The following NTNG1 variants were observed in gnomAD, a reference collection of about 807,000 sequenced individuals.
The protein encoded by NTNG1 is netrin G1.
A neutral mutation model predicts 54.0 loss-of-function variants in NTNG1; 16 were observed. The ratio of observed to expected loss-of-function variants is 0.30; its 90% CI spans 0.20 to 0.45. The LOEUF (loss-of-function observed/expected upper bound fraction) is 0.45. Among genes scored for constraint, NTNG1 ranks in the 20% least tolerant of loss-of-function variants. NTNG1 has a pLI of 1.00. For synonymous variants in NTNG1, 255 were observed against 263.1 expected, an observed-to-expected ratio of 0.97 and a Z score of 0.30; for missense variants, 530 against 678.7, an observed-to-expected ratio of 0.78 and a Z score of 2.43.
chr1:107,465,951 A>G (rs1677579488), intron 7 of NTNG1, among the ~76,000 whole-genome samples: 1 of 152,128 alleles, frequency 6.6e-6, no homozygotes, highest in African/African-American at 2.4e-5. Flanking sequence ...GTGTGTGCAT[A>G]TGTGTGTGGG....
At chr1:107,251,045 T>C (rs956975994) in intron 2 of NTNG1, among the ~76,000 whole-genome samples, 2 of 152,232 alleles carry the variant, frequency 1.3e-5, no homozygotes, top group African/African-American at 4.8e-5. Flanking sequence ...AAGAACAAAA[T>C]GTTGAAAGAA....
In NTNG1 at chr1:107,395,203, T is replaced by C. The variant is rs770972624; in HGVS notation, c.937T>C (p.Leu313=). The C allele has an allele frequency of 2.7e-4, 430 of 1,613,322 alleles. No individual in the cohort carries two copies. The highest frequency in any genetic ancestry group is 3.5e-4 in the Non-Finnish European group (412 of 1,179,564). Residue 313 remains leucine (L), a synonymous_variant, in exon 4 of 8, where the codon TTG becomes CTG. Transcript: ENST00000370068. ...TGTATGTGTGTATGACAACAGCAAA[T>C]TGACATGCGAATGTGAGCACAACAC... ...ATVCVYDNSK[L]TCECEHNTTG...
intron 2 of NTNG1, among the ~76,000 whole-genome samples, chr1:107,263,852 T>A (rs186431596): frequency 2.3e-4 from 35 of 152,334 alleles, no homozygotes; most frequent in Non-Finnish European, 1.8e-4. Flanking sequence ...ATGTAACCAT[T>A]GTTGGGATTT....
chr1:107,413,994 C>T (rs944338182), intron 5 of NTNG1, among the ~76,000 whole-genome samples: 5 of 152,106 alleles, frequency 3.3e-5, no homozygotes, highest in African/African-American at 1.2e-4. Flanking sequence ...AAAGGCCATC[C>T]ACAAAATGAC....
intron 2 of NTNG1, among the ~76,000 whole-genome samples, chr1:107,278,044 C>T (rs1039863845): frequency 3.3e-5 from 5 of 152,168 alleles, no homozygotes; most frequent in Non-Finnish European, 7.3e-5. Context: ...CCTGCTCAAT[C>T]CCACTCTAGT....
chr1:107,408,359 T>TA (rs1246431061), intron 5 of NTNG1: 4 of 154,278 alleles, frequency 2.6e-5, no homozygotes, highest in African/African-American at 9.7e-5. Context: ...AGAAAGAGTA[T>TA]AAAAAATATG....
intron 3 of NTNG1, among the ~76,000 whole-genome samples, chr1:107,327,918 T>C (rs1443191401): frequency 6.6e-6 from 1 of 152,158 alleles, no homozygotes; most frequent in Admixed American, 6.6e-5. Flanking sequence ...TTATACTGGC[T>C]AGTGTTTTTT....
intron 2 of NTNG1, among the ~76,000 whole-genome samples, chr1:107,314,867 T>A (rs563858223): frequency 1.5e-4 from 23 of 152,340 alleles, no homozygotes; most frequent in African/African-American, 5.5e-4. Context: ...TGATTTGTAC[T>A]TCGATTGCGT....
intron 2 of NTNG1, among the ~76,000 whole-genome samples, chr1:107,301,849 T>A (rs1205921836): frequency 6.6e-6 from 1 of 152,212 alleles, no homozygotes; most frequent in Non-Finnish European, 1.5e-5. Flanking sequence ...TGACTTCTCA[T>A]CTTTAATACA....
chr1:107,181,087 A>G (rs1252161257), intron 2 of NTNG1, among the ~76,000 whole-genome samples: 2 of 152,192 alleles, frequency 1.3e-5, no homozygotes, highest in Non-Finnish European at 1.5e-5. Context: ...TTTGGTGAAA[A>G]ATAGAGTCAA....
At chr1:107,172,124 C>G (rs984063636) in intron 2 of NTNG1, among the ~76,000 whole-genome samples, 1 of 152,018 alleles carries the variant, frequency 6.6e-6, no homozygotes, top group Non-Finnish European at 1.5e-5. Flanking sequence ...CATTTTGCCC[C>G]TTGCTTATTT....
intron 2 of NTNG1, among the ~76,000 whole-genome samples, chr1:107,243,500 T>C (rs1158141658): frequency 2.0e-5 from 3 of 152,244 alleles, no homozygotes; most frequent in Non-Finnish European, 2.9e-5. Context: ...TACCTACACA[T>C]AGAATATATT....
intron 1 of NTNG1, among the ~76,000 whole-genome samples, chr1:107,144,499 T>A (rs1653967013): frequency 6.6e-6 from 1 of 152,120 alleles, no homozygotes; most frequent in African/African-American, 2.4e-5. Flanking sequence ...TTCCTCTCAG[T>A]TGATGAAACT....
rs138768973 is a variant in NTNG1 at position 107,326,806 on chromosome 1, T to A, written c.887+1884T>A. 3.1e-4 allele frequency among the ~76,000 whole-genome samples: 47 copies of A among 152,272 alleles called. 1 individual carries two copies. Among genetic ancestry groups the A allele is most frequent in the African/African-American group, 9.6e-4 (40 of 41,566 alleles). On this transcript the variant is annotated intron_variant, in intron 3 of 7. Coordinates refer to ENST00000370068, the MANE Select transcript of NTNG1 (RefSeq NM_001113226.3). ...TTGGTTGGGAAAAACCTATTGCTGA[T>A]GCTTATTTTTGTTATTAGTATTCAT...
intron 4 of NTNG1, among the ~76,000 whole-genome samples, chr1:107,406,029 G>A (rs1673392753): frequency 6.6e-6 from 1 of 152,130 alleles, no homozygotes. Flanking sequence ...TGGATTTCTA[G>A]TTTTGGTTGA....
intron 3 of NTNG1, among the ~76,000 whole-genome samples, chr1:107,381,019 G>C (rs1671609839): frequency 1.3e-5 from 2 of 152,090 alleles, no homozygotes; most frequent in Non-Finnish European, 2.9e-5. Context: ...TCAATGCTCA[G>C]AAATAGTAAA....
At chr1:107,309,697 A>G (rs1255747798) in intron 2 of NTNG1, among the ~76,000 whole-genome samples, 1 of 152,202 alleles carries the variant, frequency 6.6e-6, no homozygotes, top group African/African-American at 2.4e-5. Context: ...TTCTCTAGAA[A>G]GGATTCTGGA....
chr1:107,458,097 A>G (rs1394422641), intron 7 of NTNG1, among the ~76,000 whole-genome samples: 1 of 152,166 alleles, frequency 6.6e-6, no homozygotes, highest in East Asian at 1.9e-4. Context: ...AGTGTAATTC[A>G]CCATATGCCT....
intron 5 of NTNG1, among the ~76,000 whole-genome samples, chr1:107,425,491 T>C (rs1430274850): frequency 1.3e-5 from 2 of 152,152 alleles, no homozygotes; most frequent in East Asian, 3.9e-4. Context: ...GCTCCATCCA[T>C]GTTGCTGCAA....
Sources: gnomAD v4.1 joint callset for allele counts (sites outside exome capture counted in the v4.1 genomes callset) on GRCh38, gnomAD v4.1.1 for gene constraint, MANE v1.5 for transcripts, NCBI Gene and HGNC (gene_info 2026-07-23, HGNC 2026-07-21) for gene names.